The following LRP5 variants were observed in gnomAD, a reference collection of about 807,000 sequenced individuals.
LRP5 encodes LDL receptor related protein 5.
Under a neutral mutation model 154.1 loss-of-function variants are expected in LRP5, and 62 were observed. The ratio of observed to expected loss-of-function variants is 0.40; its 90% CI spans 0.33 to 0.50. The LOEUF is 0.50. LRP5 is among the 20% of genes least tolerant of loss of function. The probability of loss-of-function intolerance (pLI) is 0.55; values close to 1 mark genes in which losing one functional copy is unlikely to be tolerated. For missense variants in LRP5, 1,915 were observed against 2,336.7 expected, an observed-to-expected ratio of 0.82 and a Z score of 3.72; for synonymous variants, 966 against 1,011.5, an observed-to-expected ratio of 0.96 and a Z score of 0.85.
chr11:68,414,747 G>A (rs1447340919), intron 12 of LRP5, among the ~76,000 whole-genome samples: 2 of 152,104 alleles, frequency 1.3e-5, no homozygotes, highest in Non-Finnish European at 2.9e-5. Flanking sequence ...GGAGTCTCAC[G>A]CAGACCTGGT....
At chr11:68,398,999 G>C (rs768861179) in intron 7 of LRP5, among the ~76,000 whole-genome samples, 19 of 152,102 alleles carry the variant, frequency 1.2e-4, no homozygotes, top group Non-Finnish European at 5.9e-5. Flanking sequence ...TTACAGGCTC[G>C]AGCCACGGAG....
At chr11:68,324,991 C>T (rs1218102798) in intron 1 of LRP5, among the ~76,000 whole-genome samples, 1 of 152,210 alleles carries the variant, frequency 6.6e-6, no homozygotes, top group Non-Finnish European at 1.5e-5. Context: ...ACCAGGTGAG[C>T]TCTGGGGGTC....
intron 5 of LRP5, 30 bp downstream of exon 5, chr11:68,365,732 G>T: frequency 2.6e-6 from 1 of 377,484 alleles, no homozygotes. Context: ...CGGGGCGGGC[G>T]GGCGGGGCGG....
intron 7 of LRP5, among the ~76,000 whole-genome samples, chr11:68,396,803 TG>T (rs2098649646): frequency 6.6e-6 from 1 of 151,968 alleles, no homozygotes; most frequent in Non-Finnish European, 1.5e-5. Context: ...GTTCCAGCCC[TG>T]GGCACCCTCC....
intron 7 of LRP5, among the ~76,000 whole-genome samples, chr11:68,396,716 G>A (rs1461405830): frequency 1.0e-5 from 1 of 100,420 alleles, no homozygotes; most frequent in Non-Finnish European, 2.0e-5. Flanking sequence ...CCAGCAGCCT[G>A]ACTGACACAC....
At position 68,389,900 on chromosome 11, in the gene LRP5, T is replaced by A. The variant is rs1318906451; in HGVS notation, c.1432T>A (p.Trp478Arg). ...PVMGLMYWTD[W>R]GENPKIECAN... ...CTCCAGCCTCATGTACTGGACAGAC[T>A]GGGGAGAGAACCCTAAAATCGAGTG... Residue 478 changes from tryptophan to arginine, a missense_variant, in exon 7 of 23, where the codon TGG becomes AGG. This residue lies in a region of LRP5 where 773 missense variants were observed against 1,100.9 expected (regional missense o/e 0.70). Coordinates refer to ENST00000294304, the MANE Select transcript of LRP5 (RefSeq NM_002335.4). 1 of 1,614,270 alleles carries A rather than the reference T, an allele frequency of 6.2e-7. No homozygotes were observed. Among genetic ancestry groups the A allele is most frequent in the East Asian group, 2.2e-5 (1 of 44,890 alleles).
intron 6 of LRP5, among the ~76,000 whole-genome samples, chr11:68,388,220 T>C (rs564740381): frequency 1.3e-5 from 2 of 151,668 alleles, no homozygotes; most frequent in South Asian, 4.2e-4. Flanking sequence ...CCAGGGGCTT[T>C]AGCAAGAGGA....
intron 7 of LRP5, among the ~76,000 whole-genome samples, chr11:68,390,351 A>AT (rs942909308): frequency 6.6e-6 from 1 of 152,208 alleles, no homozygotes; most frequent in Non-Finnish European, 1.5e-5. Context: ...GCCCGGGCAA[A>AT]GGGGACACAG....
At chr11:68,340,144 G>GT (rs1298936699) in intron 1 of LRP5, among the ~76,000 whole-genome samples, 1 of 152,200 alleles carries the variant, frequency 6.6e-6, no homozygotes, top group Non-Finnish European at 1.5e-5. Flanking sequence ...GGAGACTGAG[G>GT]TGGGAGAATC....
intron 21 of LRP5, among the ~76,000 whole-genome samples, chr11:68,441,998 C>G (rs1044627731): frequency 6.6e-6 from 1 of 152,244 alleles, no homozygotes; most frequent in Non-Finnish European, 1.5e-5. Flanking sequence ...GCCCCCATGA[C>G]GCCAAGCAGG....
chr11:68,408,872 A>T (rs568290966), intron 9 of LRP5, among the ~76,000 whole-genome samples: 25 of 151,266 alleles, frequency 1.7e-4, no homozygotes, highest in Non-Finnish European at 2.8e-4. Context: ...ACATAGTGAG[A>T]CCCCATCTCT....
At chr11:68,362,054 G>T (rs1591226191) in intron 3 of LRP5, among the ~76,000 whole-genome samples, 1 of 152,234 alleles carries the variant, frequency 6.6e-6, no homozygotes, top group Admixed American at 6.5e-5. Context: ...TGGATGCACA[G>T]ATTGGGTTCT....
intron 11 of LRP5, chr11:68,412,971 C>T (rs1361235961): frequency 5.6e-6 from 1 of 178,172 alleles, no homozygotes; most frequent in African/African-American, 2.4e-5. Context: ...ACTGCGTAGG[C>T]AGAGCTGGCA....
At chr11:68,329,028 G>A (rs2098601295) in intron 1 of LRP5, among the ~76,000 whole-genome samples, 1 of 152,154 alleles carries the variant, frequency 6.6e-6, no homozygotes, top group African/African-American at 2.4e-5. Flanking sequence ...ACACACACAT[G>A]TGCACAGTGC....
chr11:68,389,900 TG>T lies in LRP5; in HGVS notation c.1436del (p.Gly479GlufsTer51). 1.2e-5 allele frequency: 20 copies of T among 1,614,270 alleles called. No individual in the cohort carries two copies. The highest frequency in any genetic ancestry group is 1.6e-5 in the Non-Finnish European group (19 of 1,180,046). ...PVMGLMYWTDWGENPKIECAN... is the reference protein window; with the variant it reads ...PVMGLMYWTDXGENPKIECAN... ...CTCCAGCCTCATGTACTGGACAGACTGGGGAGAGAACCCTAAAATCGAGTGT... is the reference window on the plus strand; with the variant it reads ...CTCCAGCCTCATGTACTGGACAGACTGGGAGAGAACCCTAAAATCGAGTGT... On this transcript the variant is annotated frameshift_variant, in exon 7 of 23. Coordinates refer to ENST00000294304, the MANE Select transcript of LRP5 (RefSeq NM_002335.4). LOFTEE classifies it high-confidence loss of function.
chr11:68,374,741 C>A (rs2098636390), intron 5 of LRP5, among the ~76,000 whole-genome samples: 1 of 152,128 alleles, frequency 6.6e-6, no homozygotes, highest in Non-Finnish European at 1.5e-5. Context: ...GTTGCCTGTT[C>A]CAGAACTACA....
rs930355318 is a variant in LRP5 at position 68,386,664 on chromosome 11, C to T, written c.1364C>T (p.Ser455Leu). The T allele has an allele frequency of 1.9e-6, 3 of 1,613,370 alleles. No individual in the cohort carries two copies. Among genetic ancestry groups the T allele is most frequent in the African/African-American group, 1.3e-5 (1 of 74,926 alleles). ...LNGTSRKILV[S>L]EDLDEPRAIA... The stretch of plus-strand genomic sequence containing the variant: ...GGCACCTCCCGCAAGATCCTGGTGT[C>T]GGAGGACCTGGACGAGCCCCGAGCC... The change falls in exon 6 of 23, where the codon TCG (serine) becomes TTG (leucine). Residue 455 changes from serine (S) to leucine (L), a missense_variant. Physicochemically the swap from Ser to Leu is moderately radical, Grantham distance 145. This residue lies in a region of LRP5 where 773 missense variants were observed against 1,100.9 expected (regional missense o/e 0.70). Transcript: ENST00000294304. The surrounding 1 kb of genome is among the most constrained non-coding windows in gnomAD (Gnocchi z 7.9).
intron 1 of LRP5, among the ~76,000 whole-genome samples, chr11:68,323,821 T>A (rs1257818178): frequency 6.6e-6 from 1 of 152,198 alleles, no homozygotes; most frequent in Non-Finnish European, 1.5e-5. Flanking sequence ...CCCTCCCAGG[T>A]TATGCCCCCG....
intron 1 of LRP5, among the ~76,000 whole-genome samples, chr11:68,329,484 T>C (rs1167702701): frequency 1.3e-5 from 2 of 152,242 alleles, no homozygotes; most frequent in East Asian, 1.9e-4. Context: ...ACTTGAATTA[T>C]ACGAGTGTTT....
Sources: allele counts gnomAD v4.1 joint callset (sites outside exome capture counted in the v4.1 genomes callset), GRCh38; gene constraint gnomAD v4.1.1; regional missense constraint gnomAD v4.1.1; non-coding constraint Gnocchi (gnomAD v3.1); transcripts MANE v1.5; gene names NCBI Gene and HGNC (gene_info 2026-07-23, HGNC 2026-07-21).